Variants in MACROD2 observed in about 807,000 individuals in gnomAD.
The protein encoded by MACROD2 is mono-ADP ribosylhydrolase 2, also known as ADP-ribose glycohydrolase MACROD2.
MACROD2 carries 36 observed loss-of-function variants against 70.4 expected under a neutral mutation model. The ratio of observed to expected loss-of-function variants is 0.51; its 90% CI spans 0.39 to 0.68. The LOEUF (loss-of-function observed/expected upper bound fraction) is 0.68, where lower values mean the gene tolerates loss of function less well. MACROD2 is among the 30% of genes least tolerant of loss of function. MACROD2 has a pLI of 0.00. For missense variants in MACROD2, 496 were observed against 538.4 expected (o/e 0.92, Z 0.78); for synonymous variants, 172 against 178.8 (o/e 0.96, Z 0.30).
intron 6 of MACROD2, among the ~76,000 whole-genome samples, chr20:15,346,840 T>G (rs1386102601): frequency 6.6e-6 from 1 of 152,170 alleles, no homozygotes; most frequent in East Asian, 1.9e-4. Flanking sequence ...CCAGCAGAGA[T>G]GGAAACCTGT....
intron 5 of MACROD2, among the ~76,000 whole-genome samples, chr20:14,829,472 C>T (rs2072940220): frequency 6.6e-6 from 1 of 151,978 alleles, no homozygotes; most frequent in African/African-American, 2.4e-5. Flanking sequence ...AGGGTTTCAT[C>T]TTCCAGGCAG....
chr20:15,393,413 G>A (rs1018007707), intron 6 of MACROD2, among the ~76,000 whole-genome samples: 1 of 152,036 alleles, frequency 6.6e-6, no homozygotes, highest in East Asian at 1.9e-4. Flanking sequence ...TTCCAGTCAC[G>A]TGTGCTCAAA....
intron 3 of MACROD2, among the ~76,000 whole-genome samples, chr20:14,282,786 T>C (rs577484263): frequency 1.6e-4 from 24 of 152,204 alleles, no homozygotes; most frequent in South Asian, 1.0e-3. Flanking sequence ...TGAGGGTTGC[T>C]ACACACTTTT....
At chr20:15,292,521 C>G (rs1356805274) in intron 6 of MACROD2, among the ~76,000 whole-genome samples, 1 of 152,174 alleles carries the variant, frequency 6.6e-6, no homozygotes, top group Non-Finnish European at 1.5e-5. Flanking sequence ...GGTGGGGACA[C>G]AGCCAAACCC....
chr20:14,694,287 A>G (rs1351716855), intron 5 of MACROD2, among the ~76,000 whole-genome samples: 2 of 152,192 alleles, frequency 1.3e-5, no homozygotes, highest in Non-Finnish European at 2.9e-5. Context: ...GATAGAGCTG[A>G]CAGGAATTTT....
intron 6 of MACROD2, among the ~76,000 whole-genome samples, chr20:15,248,197 C>T (rs2077123368): frequency 6.6e-6 from 1 of 152,144 alleles, no homozygotes. Flanking sequence ...CTCTAGGCCA[C>T]CAGGGCATGT....
At chr20:15,855,762 A>G (rs2064349738) in intron 8 of MACROD2, among the ~76,000 whole-genome samples, 1 of 152,226 alleles carries the variant, frequency 6.6e-6, no homozygotes, top group Admixed American at 6.5e-5. Context: ...TGAACTTTAT[A>G]AAAATGAAAT....
chr20:14,588,605 T>A (rs568456383), intron 4 of MACROD2, among the ~76,000 whole-genome samples: 2 of 152,004 alleles, frequency 1.3e-5, no homozygotes, highest in Non-Finnish European at 2.9e-5. Context: ...GCCTCCTGGG[T>A]TCAAGCACTT....
chr20:15,384,008 G>A (rs2146282724), intron 6 of MACROD2, among the ~76,000 whole-genome samples: 1 of 152,142 alleles, frequency 6.6e-6, no homozygotes, highest in Non-Finnish European at 1.5e-5. Flanking sequence ...TCAAAAACAT[G>A]TATTTTTCCA....
chr20:15,669,825 C>A (rs920447039), intron 8 of MACROD2, among the ~76,000 whole-genome samples: 1 of 152,142 alleles, frequency 6.6e-6, no homozygotes, highest in Non-Finnish European at 1.5e-5. Context: ...GCACAAAGGG[C>A]AGGTGGGAGA....
intron 2 of MACROD2, among the ~76,000 whole-genome samples, chr20:14,016,838 G>A (rs569905219): frequency 5.3e-5 from 8 of 152,168 alleles, no homozygotes; most frequent in Admixed American, 1.3e-4. Flanking sequence ...TAGCTGTTTG[G>A]TGTCCCTTGA....
chr20:14,052,670 C>T (rs1213931296), intron 2 of MACROD2, among the ~76,000 whole-genome samples: 1 of 152,064 alleles, frequency 6.6e-6, no homozygotes, highest in African/African-American at 2.4e-5. Flanking sequence ...CAGCTCTAGC[C>T]TCACTGCAGC....
At chr20:15,976,348 C>T (rs977853867) in intron 13 of MACROD2, among the ~76,000 whole-genome samples, 1 of 152,200 alleles carries the variant, frequency 6.6e-6, no homozygotes, top group Non-Finnish European at 1.5e-5. Flanking sequence ...TGGTCCCCTC[C>T]CATAAGTATG....
At chr20:14,159,081 A>G (rs1484529350) in intron 3 of MACROD2, among the ~76,000 whole-genome samples, 2 of 152,106 alleles carry the variant, frequency 1.3e-5, no homozygotes, top group Non-Finnish European at 2.9e-5. Context: ...TACTAAAAAT[A>G]CAAAAAACTA....
chr20:14,947,539 T>C (rs1188613068), intron 5 of MACROD2, among the ~76,000 whole-genome samples: 1 of 152,124 alleles, frequency 6.6e-6, no homozygotes, highest in African/African-American at 2.4e-5. Context: ...CTAATAGTAA[T>C]AATATTGGTG....
chr20:15,505,885 A>G (rs1292452136), intron 8 of MACROD2, among the ~76,000 whole-genome samples: 1 of 152,124 alleles, frequency 6.6e-6, no homozygotes, highest in Non-Finnish European at 1.5e-5. Context: ...TTTTTTAACT[A>G]TGCCTTTAGC....
chr20:15,881,014 ATC>A (rs1353964406), intron 9 of MACROD2, among the ~76,000 whole-genome samples: 1 of 152,014 alleles, frequency 6.6e-6, no homozygotes, highest in East Asian at 1.9e-4. Context: ...CCATCAGATA[ATC>A]TGTTACCTTC....
intron 5 of MACROD2, among the ~76,000 whole-genome samples, chr20:15,016,948 A>C (rs1235364325): frequency 6.6e-6 from 1 of 152,102 alleles, no homozygotes; most frequent in Non-Finnish European, 1.5e-5. Context: ...GATACAATTC[A>C]AGTTGAGATT....
At chr20:15,772,101 AATAT>A (rs201468504) in intron 8 of MACROD2, among the ~76,000 whole-genome samples, 1,822 of 91,204 alleles carry the variant, frequency 0.02, 90 homozygotes, top group Middle Eastern at 0.043. Flanking sequence ...AAAAAAAAAA[AATAT>A]ATATATATAT....
Sources: gnomAD v4.1 joint callset for allele counts (sites outside exome capture counted in the v4.1 genomes callset) on GRCh38, gnomAD v4.1.1 for gene constraint, MANE v1.5 for transcripts, NCBI Gene and HGNC (gene_info 2026-07-23, HGNC 2026-07-21) for gene names.